The following NIBAN1 variants were observed in gnomAD, a reference collection of about 807,000 sequenced individuals.
The protein encoded by NIBAN1 is protein Niban 1.
NIBAN1 carries 81 observed loss-of-function variants against 75.1 expected under a neutral mutation model. That is an observed-to-expected ratio of 1.08 (90% CI 0.90 to 1.30). The LOEUF is 1.30. NIBAN1 is among the 50% of genes most tolerant of loss of function. NIBAN1 has a pLI of 0.00. For synonymous variants in NIBAN1, 436 were observed against 424.8 expected, an observed-to-expected ratio of 1.03 and a Z score of -0.32; for missense variants, 1,133 against 1,128.1, an observed-to-expected ratio of 1.00 and a Z score of -0.06.
At chr1:184,973,878 A>G (rs180978354) in intron 1 of NIBAN1, among the ~76,000 whole-genome samples, 1 of 152,258 alleles carries the variant, frequency 6.6e-6, no homozygotes, top group Non-Finnish European at 1.5e-5. Flanking sequence ...CTAAGAGGGA[A>G]ATTCTGCTTT....
rs140373505 is a variant in NIBAN1 at position 184,884,130 on chromosome 1, C to G, written c.601+503G>C. Among the ~76,000 whole-genome samples, 19 of 152,034 alleles carry G rather than the reference C, an allele frequency of 1.2e-4. No homozygotes were observed. The East Asian group carries it at 3.7e-3, about 29-fold the overall frequency. On this transcript the variant is annotated intron_variant, in intron 5 of 13. Coordinates refer to ENST00000367511, the MANE Select transcript of NIBAN1 (RefSeq NM_052966.4). Reference sequence around the variant, plus strand: ...GGGGCCTCCCAGGCCTGCCTGAAAACCAGCAAGCAGGTGAGGCTCCTTGTG... The same window carrying G: ...GGGGCCTCCCAGGCCTGCCTGAAAAGCAGCAAGCAGGTGAGGCTCCTTGTG...
intron 1 of NIBAN1, among the ~76,000 whole-genome samples, chr1:184,904,999 G>A (rs1310825072): frequency 2.0e-5 from 3 of 152,052 alleles, no homozygotes; most frequent in African/African-American, 4.8e-5. Flanking sequence ...CAGAGACAGA[G>A]GAGAAAAACA....
chr1:184,943,129 G>A (rs930113917), intron 1 of NIBAN1, among the ~76,000 whole-genome samples: 3 of 152,138 alleles, frequency 2.0e-5, no homozygotes, highest in African/African-American at 4.8e-5. Context: ...ATAAAATTCT[G>A]CTGCTTCCCA....
In NIBAN1 at chr1:184,795,936, C is replaced by T. The variant is rs1653848333; in HGVS notation, c.1828G>A (p.Gly610Ser). The stretch of plus-strand genomic sequence containing the variant: ...ACTTCGTTACTGAGGGTCTCACTAC[C>T]CAGAACTCCTGGCAGAATGGCAGAA... ...RASAILPGVL[G>S]SETLSNEVFQ... is the part of the protein sequence containing the mutation. Residue 610 changes from glycine to serine, a missense_variant, in exon 14 of 14, where the codon GGT becomes AGT. Physicochemically the swap from Gly to Ser is moderately conservative, Grantham distance 56. Coordinates refer to ENST00000367511, the MANE Select transcript of NIBAN1 (RefSeq NM_052966.4). 8.1e-6 allele frequency: 13 copies of T among 1,614,196 alleles called. No homozygotes were observed. Among genetic ancestry groups the T allele is most frequent in the Non-Finnish European group, 1.1e-5 (13 of 1,180,034 alleles).
At chr1:184,832,361 A>C (rs1217631607) in intron 5 of NIBAN1, among the ~76,000 whole-genome samples, 1 of 152,322 alleles carries the variant, frequency 6.6e-6, no homozygotes, top group South Asian at 2.1e-4. Context: ...CAGTTTCCCA[A>C]CAAAACAATT....
At chr1:184,974,034 G>C (rs1659006099) in intron 1 of NIBAN1, among the ~76,000 whole-genome samples, 1 of 152,064 alleles carries the variant, frequency 6.6e-6, no homozygotes, top group Admixed American at 6.5e-5. Context: ...CACTGACCCC[G>C]AGGCGGCGGG....
At chr1:184,797,436 C>G (rs1653907932) in intron 13 of NIBAN1, among the ~76,000 whole-genome samples, 1 of 151,972 alleles carries the variant, frequency 6.6e-6, no homozygotes, top group Non-Finnish European at 1.5e-5. Flanking sequence ...CCCACTGTGC[C>G]CAGCCCTCTC....
chr1:184,828,484 C>A (rs1334167254), intron 6 of NIBAN1, among the ~76,000 whole-genome samples: 1 of 152,210 alleles, frequency 6.6e-6, no homozygotes, highest in Non-Finnish European at 1.5e-5. Flanking sequence ...CTTCTCCGGG[C>A]CCCTGGCCTC....
At chr1:184,815,625 G>A (rs1294236589) in intron 9 of NIBAN1, among the ~76,000 whole-genome samples, 3 of 152,154 alleles carry the variant, frequency 2.0e-5, no homozygotes, top group Non-Finnish European at 4.4e-5. Flanking sequence ...TCTATTATGT[G>A]CACTTATAGG....
At chr1:184,955,759 A>C (rs1434383206) in intron 1 of NIBAN1, among the ~76,000 whole-genome samples, 1 of 152,248 alleles carries the variant, frequency 6.6e-6, no homozygotes, top group Non-Finnish European at 1.5e-5. Context: ...ATATAAAGGA[A>C]AAAGTGACAA....
chr1:184,801,092 G>T (rs1654028172), intron 12 of NIBAN1, among the ~76,000 whole-genome samples: 1 of 152,132 alleles, frequency 6.6e-6, no homozygotes, highest in Non-Finnish European at 1.5e-5. Flanking sequence ...GCACCTGGTG[G>T]TGCTGGGGGA....
At chr1:184,973,539 G>A (rs234108) in intron 1 of NIBAN1, among the ~76,000 whole-genome samples, 79,441 of 151,812 alleles carry the variant, frequency 0.52, 22,112 homozygotes, top group African/African-American at 0.7. Flanking sequence ...GGCCAAATAC[G>A]CCCAGGAAAT....
intron 1 of NIBAN1, among the ~76,000 whole-genome samples, chr1:184,906,605 G>C (rs1235832385): frequency 6.6e-6 from 1 of 152,034 alleles, no homozygotes; most frequent in Admixed American, 6.6e-5. Flanking sequence ...ACTGTAGCCT[G>C]GGTAACAAGA....
chr1:184,819,181 G>A (rs998771142), intron 8 of NIBAN1, among the ~76,000 whole-genome samples: 5 of 152,110 alleles, frequency 3.3e-5, no homozygotes, highest in Admixed American at 2.0e-4. Context: ...TGCACAGTTT[G>A]TCTTCTAAAA....
At chr1:184,817,618 G>A (rs1160019093) in intron 9 of NIBAN1, among the ~76,000 whole-genome samples, 3 of 152,180 alleles carry the variant, frequency 2.0e-5, no homozygotes, top group African/African-American at 4.8e-5. Context: ...TTTATCTGAT[G>A]ACCAGTGTTG....
chr1:184,865,890 A>C (rs1454081153), intron 5 of NIBAN1, among the ~76,000 whole-genome samples: 1 of 152,244 alleles, frequency 6.6e-6, no homozygotes, highest in Non-Finnish European at 1.5e-5. Context: ...GTAACTGCAC[A>C]GATAGTCAAA....
rs776155351 is a variant in NIBAN1, at chr1:184,794,838, A to T, written c.*139T>A. 1 of 1,099,072 alleles carries T rather than the reference A, an allele frequency of 9.1e-7. No homozygotes were observed. 68.1% of individuals were successfully genotyped at this position (1,099,072 alleles called of 1,614,324 possible). A position where few individuals can be genotyped will look rare whatever the true frequency, so the allele number is the denominator to read the frequency against. ...TTTGCCTCAGTTGCTCATGCCCTGTATGCATTTCCTCTGGTTTTATTATTC... is the reference window on the plus strand; with the variant it reads ...TTTGCCTCAGTTGCTCATGCCCTGTTTGCATTTCCTCTGGTTTTATTATTC... On this transcript the variant is annotated 3_prime_UTR_variant, in exon 14 of 14. Coordinates refer to ENST00000367511, the MANE Select transcript of NIBAN1 (RefSeq NM_052966.4).
At chr1:184,919,090 A>G (rs1657464776) in intron 1 of NIBAN1, among the ~76,000 whole-genome samples, 1 of 152,264 alleles carries the variant, frequency 6.6e-6, no homozygotes, top group African/African-American at 2.4e-5. Flanking sequence ...TCATTAGAGA[A>G]CCAGAAAGAC....
rs79046430 is a variant in NIBAN1, at chr1:184,794,865, A to G, written c.*112T>C. The stretch of plus-strand genomic sequence containing the variant: ...GCATTTCCTCTGGTTTTATTATTCA[A>G]ATTAAGAAAATACTTAAAAATTTTT... On this transcript the variant is annotated 3_prime_UTR_variant, in exon 14 of 14. Coordinates refer to ENST00000367511, the MANE Select transcript of NIBAN1 (RefSeq NM_052966.4). 89,124 of 1,420,176 alleles carry G rather than the reference A, an allele frequency of 0.063. 3,155 individuals carry two copies. The highest frequency in any genetic ancestry group is 0.069 in the Non-Finnish European group (70,394 of 1,023,250). The allele number at this position is 1,420,176 out of a possible 1,614,324, so 88.0% of individuals were successfully genotyped here.
Sources: allele counts gnomAD v4.1 joint callset (sites outside exome capture counted in the v4.1 genomes callset), GRCh38; gene constraint gnomAD v4.1.1; transcripts MANE v1.5; gene names NCBI Gene and HGNC (gene_info 2026-07-23, HGNC 2026-07-21).